The following EXOSC10 variants were observed in gnomAD, a reference collection of about 807,000 sequenced individuals.
EXOSC10 encodes the protein exosome component 10.
In EXOSC10, 94 loss-of-function variants were observed where a neutral mutation model predicts 126.6. The observed-to-expected ratio is 0.74, with a 90% CI of 0.63 to 0.88. EXOSC10 has a LOEUF of 0.88. Among genes scored for constraint, EXOSC10 ranks in the 40% least tolerant of loss-of-function variants. The pLI is 0.00. For synonymous variants in EXOSC10, 395 were observed against 400.8 expected, an observed-to-expected ratio of 0.99 and a Z score of 0.17; for missense variants, 1,041 against 1,100.5, an observed-to-expected ratio of 0.95 and a Z score of 0.77.
At chr1:11,067,611 C>A (rs1168942305) in intron 24 of EXOSC10, among the ~76,000 whole-genome samples, 1 of 152,072 alleles carries the variant, frequency 6.6e-6, no homozygotes. Flanking sequence ...CAAAACAAAA[C>A]CAAACCAAGC....
rs1484056206 is a variant in EXOSC10 at position 11,072,040 on chromosome 1, C to T, written c.2242+47G>A. The T allele has an allele frequency of 8.0e-6, 12 of 1,494,114 alleles. No individual in the cohort carries two copies. In the East Asian group the frequency reaches 9.0e-5, roughly 11 times the overall value. 92.6% of individuals were successfully genotyped at this position (1,494,114 alleles called of 1,614,324 possible). A position where few individuals can be genotyped will look rare whatever the true frequency, so the allele number is the denominator to read the frequency against. On this transcript the variant is annotated intron_variant, in intron 20 of 24. Coordinates refer to ENST00000376936, the MANE Select transcript of EXOSC10 (RefSeq NM_001001998.3). ...CTTGGCTGAAACAGCGGGTGTGCAA[C>T]AGCCATTCTTTAACAGCCGACTGAG...
intron 3 of EXOSC10, among the ~76,000 whole-genome samples, chr1:11,093,836 TG>T (rs946415099): frequency 1.9e-4 from 29 of 150,906 alleles, no homozygotes; most frequent in African/African-American, 5.4e-4. Flanking sequence ...GAGGCTGAGG[TG>T]GGGGGGGATT....
intron 9 of EXOSC10, among the ~76,000 whole-genome samples, chr1:11,084,030 T>A (rs1317081897): frequency 6.6e-6 from 1 of 152,242 alleles, no homozygotes; most frequent in Non-Finnish European, 1.5e-5. Flanking sequence ...TCTATCATTG[T>A]TGGACATTTG....
chr1:11,083,555 T>G (rs1424321141), intron 9 of EXOSC10, among the ~76,000 whole-genome samples: 3 of 56,256 alleles, frequency 5.3e-5, no homozygotes, highest in Non-Finnish European at 8.9e-5. Context: ...AGAGCAAAAC[T>G]CCGTCTCAAA....
At chr1:11,096,386 A>G (rs543805205) in intron 2 of EXOSC10, among the ~76,000 whole-genome samples, 1 of 151,800 alleles carries the variant, frequency 6.6e-6, no homozygotes, top group Admixed American at 6.6e-5. Flanking sequence ...CTTGACCTGA[A>G]GTGATCCACC....
intron 1 of EXOSC10, among the ~76,000 whole-genome samples, chr1:11,099,208 G>GTA (rs771766965): frequency 6.6e-6 from 1 of 152,246 alleles, no homozygotes; most frequent in Non-Finnish European, 1.5e-5. Flanking sequence ...TGAACGCCCT[G>GTA]TATACCTTCC....
At chr1:11,072,015 C>G in intron 20 of EXOSC10, 72 bp downstream of exon 20, 1 of 1,279,772 alleles carries the variant, frequency 7.8e-7, no homozygotes, top group Admixed American at 1.9e-5. Flanking sequence ...GTATCTGGCA[C>G]TTGGCTGAAA....
intron 16 of EXOSC10, 50 bp downstream of exon 16, chr1:11,077,315 T>C (rs759413264): frequency 3.2e-6 from 5 of 1,565,662 alleles, no homozygotes; most frequent in East Asian, 4.5e-5. Flanking sequence ...TTAGACAAGG[T>C]AGCTGTGTCC....
At chr1:11,072,860 AC>A (rs1298090999) in intron 19 of EXOSC10, 1 of 152,238 alleles carries the variant, frequency 6.6e-6, no homozygotes, top group Non-Finnish European at 1.5e-5. Flanking sequence ...GAGGCTGCGA[AC>A]AACAGTTCAC....
At position 11,070,900 on chromosome 1, in the gene EXOSC10, C is replaced by G; in HGVS notation, c.2316G>C (p.Val772=). 6.2e-7 allele frequency: 1 copy of G among 1,613,784 alleles called. No individual in the cohort carries two copies. Among genetic ancestry groups the G allele is most frequent in the Non-Finnish European group, 8.5e-7 (1 of 1,179,820 alleles). The change falls in exon 21 of 25, where the codon GTG becomes GTC. Residue 772 remains valine, a splice_region_variant and synonymous_variant. Coordinates refer to ENST00000376936, the MANE Select transcript of EXOSC10 (RefSeq NM_001001998.3). The part of the protein sequence containing the change: ...EQAISVRQQV[V]LENAAKKRER... ...AAAAAGGAGAAAAGCTGGCACATAC[C>G]ACGACCTGCTGTCGGACGGAGATGG... is the stretch of plus-strand genomic sequence containing the variant.
At chr1:11,084,357 T>C (rs1371302020) in intron 9 of EXOSC10, among the ~76,000 whole-genome samples, 1 of 152,248 alleles carries the variant, frequency 6.6e-6, no homozygotes, top group Non-Finnish European at 1.5e-5. Flanking sequence ...GTGGTTTCGA[T>C]TTGCATTTCT....
In EXOSC10 at chr1:11,070,929, G is replaced by A; in HGVS notation, c.2287C>T (p.Gln763Ter). 2 of 1,614,200 alleles carry A rather than the reference G, an allele frequency of 1.2e-6. No homozygotes were observed. Among genetic ancestry groups the A allele is most frequent in the Non-Finnish European group, 1.7e-6 (2 of 1,180,028 alleles). Residue 763 changes from glutamine to a stop codon, truncating the protein, a stop_gained, in exon 21 of 25, where the codon CAG becomes TAG. Coordinates refer to ENST00000376936, the MANE Select transcript of EXOSC10 (RefSeq NM_001001998.3). LOFTEE classifies it high-confidence loss of function. ...ACCTGCTGTCGGACGGAGATGGCCT[G>A]TTCTGCTGCAGCTTTGCACGCCTCC... is the stretch of plus-strand genomic sequence containing the variant. Reference protein sequence around the residue: ...AKEACKAAAEQAISVRQQVVL... With the variant: ...AKEACKAAAE
chr1:11,070,458 G>A lies in EXOSC10; in HGVS notation c.2316+442C>T, dbSNP rs577737242. Among the ~76,000 whole-genome samples, 6 of 148,052 alleles carry A rather than the reference G, an allele frequency of 4.1e-5. 1 individual carries two copies. The South Asian group carries it at 1.3e-3, about 31-fold the overall frequency. On this transcript the variant is annotated intron_variant, in intron 21 of 24. Transcript: ENST00000376936. The stretch of plus-strand genomic sequence containing the variant: ...GATCGTTTGAGCCCAAGAGTTTGAG[G>A]CTGTAGTGAGCTGCAACTGTGCCAC...
Position 11,079,730 on chromosome 1 carries a change from C to A in EXOSC10, c.1730G>T (p.Arg577Leu). The A allele has an allele frequency of 6.2e-7, 1 of 1,613,672 alleles. No homozygotes were observed. Among genetic ancestry groups the A allele is most frequent in the African/African-American group, 1.3e-5 (1 of 75,046 alleles). Residue 577 changes from arginine to leucine, a missense_variant, in exon 14 of 25, where the codon CGA becomes CTA. Transcript: ENST00000376936. ...NEMHLLIQQA[R>L]EMPLLKSEVA... ...TCTTACCTTGAGCAGGGGCATCTCT[C>A]GGGCCTGCTGGATTAAAAGGTGCAT... is the stretch of plus-strand genomic sequence containing the variant.
chr1:11,077,727 C>T, intron 14 of EXOSC10, 76 bp from the exon 15 acceptor site: 2 of 1,261,218 alleles, frequency 1.6e-6, no homozygotes, highest in Non-Finnish European at 2.2e-6. Flanking sequence ...CCAGCGCTGA[C>T]TGTATTCCTT....
chr1:11,077,802 C>T, intron 14 of EXOSC10, 151 bp from the exon 15 acceptor site: 1 of 627,312 alleles, frequency 1.6e-6, no homozygotes, highest in Admixed American at 3.0e-5. Context: ...CAGTGCCTGG[C>T]ATGATAATTA....
chr1:11,079,895 A>C, intron 13 of EXOSC10, 73 bp from the exon 14 acceptor site: 5 of 1,216,358 alleles, frequency 4.1e-6, no homozygotes, highest in Non-Finnish European at 4.7e-6. Flanking sequence ...GATAAGAATA[A>C]TGACTGGGTA....
intron 24 of EXOSC10, among the ~76,000 whole-genome samples, 181 bp from the exon 25 acceptor site, chr1:11,066,929 G>A (rs1639130914): frequency 6.6e-6 from 1 of 152,252 alleles, no homozygotes; most frequent in Non-Finnish European, 1.5e-5. Flanking sequence ...TGAGAAGGCA[G>A]ACCTGTTTTT....
intron 24 of EXOSC10, 61 bp from the exon 25 acceptor site, chr1:11,066,809 T>G (rs1639123757): frequency 6.3e-7 from 1 of 1,582,600 alleles, no homozygotes; most frequent in Non-Finnish European, 8.7e-7. Flanking sequence ...TCTCAGATGG[T>G]TTACAAAATG....
Sources: gnomAD v4.1 joint callset for allele counts (sites outside exome capture counted in the v4.1 genomes callset) on GRCh38, gnomAD v4.1.1 for gene constraint, MANE v1.5 for transcripts, NCBI Gene and HGNC (gene_info 2026-07-23, HGNC 2026-07-21) for gene names.